PTPRD: variants seen among roughly 807,000 people sequenced by gnomAD.
The protein encoded by PTPRD is protein tyrosine phosphatase receptor type D, also known as receptor-type tyrosine-protein phosphatase delta.
PTPRD carries 34 observed loss-of-function variants against 214.5 expected under a neutral mutation model. That is an observed-to-expected ratio of 0.16 (90% CI 0.12 to 0.21). PTPRD has a LOEUF of 0.21. Among genes scored for constraint, PTPRD ranks in the 10% least tolerant of loss-of-function variants. The probability of loss-of-function intolerance (pLI) is 1.00; values close to 1 mark genes in which losing one functional copy is unlikely to be tolerated. For missense variants in PTPRD, 2,545 were observed against 2,398.7 expected (o/e 1.06, Z -1.27); for synonymous variants, 1,128 against 845.7 (o/e 1.33, Z -5.79).
intron 37 of PTPRD, among the ~76,000 whole-genome samples, chr9:8,379,833 G>C (rs188695370): frequency 6.6e-6 from 1 of 152,014 alleles, no homozygotes; most frequent in African/African-American, 2.4e-5. Context: ...GGATACAAGC[G>C]GCCTCTAGGA....
At chr9:9,817,419 T>C (rs2049118117) in intron 5 of PTPRD, among the ~76,000 whole-genome samples, 1 of 152,150 alleles carries the variant, frequency 6.6e-6, no homozygotes, top group African/African-American at 2.4e-5. Flanking sequence ...GTTGGTTATT[T>C]ATAGATATTT....
intron 5 of PTPRD, among the ~76,000 whole-genome samples, chr9:9,882,346 C>T (rs981512828): frequency 6.6e-6 from 1 of 152,028 alleles, no homozygotes; most frequent in Non-Finnish European, 1.5e-5. Flanking sequence ...ATCATTTTTG[C>T]TTGTATCTGT....
intron 12 of PTPRD, chr9:8,713,785 CT>C (rs1259707750): frequency 5.2e-6 from 8 of 1,538,432 alleles, no homozygotes; most frequent in African/African-American, 1.4e-5. Context: ...CCACCGGGTC[CT>C]GCGCCTTCAG....
chr9:9,262,291 T>C (rs890403310), intron 9 of PTPRD, among the ~76,000 whole-genome samples: 1 of 150,986 alleles, frequency 6.6e-6, no homozygotes, highest in Non-Finnish European at 1.5e-5. Flanking sequence ...ACAGGGGCAA[T>C]GAATTTCTTT....
chr9:8,337,175 A>G (rs1171373779), intron 43 of PTPRD, among the ~76,000 whole-genome samples: 1 of 152,240 alleles, frequency 6.6e-6, no homozygotes, highest in Admixed American at 6.5e-5. Flanking sequence ...ACTATTCACA[A>G]TAGCAAAGAC....
At chr9:9,367,975 G>C (rs140648268) in intron 9 of PTPRD, among the ~76,000 whole-genome samples, 1 of 151,738 alleles carries the variant, frequency 6.6e-6, no homozygotes, top group African/African-American at 2.4e-5. Flanking sequence ...GGGTGACATC[G>C]TATATGTTGA....
At chr9:10,384,710 C>G (rs10959085) in intron 2 of PTPRD, among the ~76,000 whole-genome samples, 83,043 of 150,784 alleles carry the variant, frequency 0.55, 25,660 homozygotes, top group Non-Finnish European at 0.72. Context: ...AGCAGAAACC[C>G]TGTAAGCATA....
At chr9:10,531,817 A>G (rs2056438127) in intron 2 of PTPRD, among the ~76,000 whole-genome samples, 1 of 152,192 alleles carries the variant, frequency 6.6e-6, no homozygotes, top group South Asian at 2.1e-4. Flanking sequence ...TGATGTATCA[A>G]TGGTATTCCA....
At chr9:10,285,524 G>C (rs1294007015) in intron 3 of PTPRD, among the ~76,000 whole-genome samples, 1 of 151,402 alleles carries the variant, frequency 6.6e-6, no homozygotes, top group Non-Finnish European at 1.5e-5. Flanking sequence ...TTTGAAGCAA[G>C]GCTGCTTGGG....
intron 11 of PTPRD, among the ~76,000 whole-genome samples, chr9:8,827,584 G>A (rs534854995): frequency 1.5e-4 from 23 of 152,298 alleles, no homozygotes; most frequent in Admixed American, 9.2e-4. Flanking sequence ...TCCAGCCTGG[G>A]CAATAGAGTG....
intron 9 of PTPRD, among the ~76,000 whole-genome samples, chr9:9,320,473 G>C (rs563347260): frequency 5.9e-5 from 9 of 152,150 alleles, no homozygotes; most frequent in African/African-American, 9.7e-5. Flanking sequence ...AAGCAGGAGA[G>C]AAAACTAAAT....
intron 2 of PTPRD, among the ~76,000 whole-genome samples, chr9:10,418,571 T>C (rs184066688): frequency 2.3e-3 from 353 of 151,770 alleles, no homozygotes; most frequent in Non-Finnish European, 3.3e-3. Context: ...TAATTTTAAA[T>C]CTTTGTTATT....
intron 14 of PTPRD, among the ~76,000 whole-genome samples, chr9:8,546,277 T>A (rs762646624): frequency 6.6e-6 from 1 of 152,226 alleles, no homozygotes; most frequent in African/African-American, 2.4e-5. Flanking sequence ...TTTTCTCTCA[T>A]CTGCTGGAGA....
At chr9:9,860,979 A>G (rs2062622711) in intron 5 of PTPRD, among the ~76,000 whole-genome samples, 3 of 152,250 alleles carry the variant, frequency 2.0e-5, no homozygotes, top group Admixed American at 2.0e-4. Flanking sequence ...TTATTAAAAA[A>G]TAACAGAACT....
intron 5 of PTPRD, among the ~76,000 whole-genome samples, chr9:9,857,298 G>A (rs1285816997): frequency 6.6e-6 from 1 of 152,094 alleles, no homozygotes; most frequent in Non-Finnish European, 1.5e-5. Flanking sequence ...TTGTTACCAG[G>A]GTGTGAAGCA....
At chr9:10,458,516 CA>C (rs1376292642) in intron 2 of PTPRD, among the ~76,000 whole-genome samples, 1 of 152,092 alleles carries the variant, frequency 6.6e-6, no homozygotes, top group African/African-American at 2.4e-5. Flanking sequence ...AGCCTCTCAA[CA>C]GTTTAGACAT....
At chr9:9,145,960 T>C (rs1370568621) in intron 10 of PTPRD, among the ~76,000 whole-genome samples, 1 of 152,202 alleles carries the variant, frequency 6.6e-6, no homozygotes, top group Non-Finnish European at 1.5e-5. Context: ...GAAGATGTCC[T>C]TCATGAAGAA....
chr9:9,254,161 T>C (rs2099976694), intron 9 of PTPRD, among the ~76,000 whole-genome samples: 1 of 152,074 alleles, frequency 6.6e-6, no homozygotes, highest in Non-Finnish European at 1.5e-5. Context: ...GTGATATTAA[T>C]AGGCTCCAGG....
At chr9:9,652,353 G>T (rs16929989) in intron 7 of PTPRD, among the ~76,000 whole-genome samples, 10,285 of 152,114 alleles carry the variant, frequency 0.068, 1,078 homozygotes, top group African/African-American at 0.22. Context: ...ACTTATCATT[G>T]GCATTAATAT....
Sources: allele counts gnomAD v4.1 joint callset (sites outside exome capture counted in the v4.1 genomes callset), GRCh38; gene constraint gnomAD v4.1.1; transcripts MANE v1.5; gene names NCBI Gene and HGNC (gene_info 2026-07-23, HGNC 2026-07-21).